BANK1: variants seen among roughly 807,000 people sequenced by gnomAD.
BANK1 encodes the protein B-cell scaffold protein with ankyrin repeats.
Under a neutral mutation model 94.5 loss-of-function variants are expected in BANK1, and 95 were observed. The observed-to-expected ratio is 1.00, with a 90% CI of 0.85 to 1.19. The LOEUF (loss-of-function observed/expected upper bound fraction) is 1.19, where lower values mean the gene tolerates loss of function less well. Ranked by LOEUF, BANK1 falls within the 50% of genes most tolerant of loss-of-function variation. The pLI is 0.00. For missense variants in BANK1, 987 were observed against 932.2 expected (o/e 1.06, Z -0.77); for synonymous variants, 334 against 308.4 (o/e 1.08, Z -0.87).
intron 6 of BANK1, among the ~76,000 whole-genome samples, chr4:101,897,937 C>T (rs1179496570): frequency 6.6e-6 from 1 of 151,050 alleles, no homozygotes; most frequent in African/African-American, 2.4e-5. Context: ...TGAACCATCA[C>T]TATAATTTAA....
At chr4:101,837,019 C>T (rs61616738) in intron 2 of BANK1, among the ~76,000 whole-genome samples, 4,608 of 152,166 alleles carry the variant, frequency 0.03, 235 homozygotes, top group African/African-American at 0.11. Flanking sequence ...TTTTTCCTCC[C>T]AATTTTTCTA....
At chr4:101,819,321 A>G (rs572686923) in intron 1 of BANK1, among the ~76,000 whole-genome samples, 1 of 152,298 alleles carries the variant, frequency 6.6e-6, no homozygotes, top group African/African-American at 2.4e-5. Context: ...GCTTAGCAGC[A>G]TAGAAAACCC....
intron 7 of BANK1, among the ~76,000 whole-genome samples, chr4:102,007,064 AATTT>A (rs1484258206): frequency 1.8e-5 from 2 of 111,566 alleles, no homozygotes; most frequent in Non-Finnish European, 3.8e-5. Flanking sequence ...TAAAATATAT[AATTT>A]TATATATATA....
intron 7 of BANK1, among the ~76,000 whole-genome samples, chr4:101,986,291 G>A (rs1344707184): frequency 1.3e-5 from 2 of 152,006 alleles, no homozygotes; most frequent in Non-Finnish European, 2.9e-5. Flanking sequence ...CAGTTTTAAT[G>A]CATGGAATAG....
At chr4:101,791,482 A>G (rs1035391773) in intron 1 of BANK1, among the ~76,000 whole-genome samples, 3 of 152,180 alleles carry the variant, frequency 2.0e-5, no homozygotes, top group African/African-American at 7.2e-5. Flanking sequence ...CACTGGCTTT[A>G]CTAACTTGGT....
intron 1 of BANK1, among the ~76,000 whole-genome samples, chr4:101,791,891 G>T (rs1724999362): frequency 1.3e-5 from 2 of 152,118 alleles, no homozygotes; most frequent in Non-Finnish European, 2.9e-5. Context: ...TGACAAGAAA[G>T]GACTTAGAGC....
At chr4:101,816,118 A>G (rs1018332263) in intron 1 of BANK1, among the ~76,000 whole-genome samples, 2 of 152,186 alleles carry the variant, frequency 1.3e-5, no homozygotes, top group East Asian at 3.8e-4. Context: ...TTGCAGCCTC[A>G]TCTGTAGCTC....
intron 1 of BANK1, among the ~76,000 whole-genome samples, chr4:101,818,690 A>C (rs764003183): frequency 1.8e-4 from 27 of 152,150 alleles, no homozygotes; most frequent in Non-Finnish European, 2.6e-4. Context: ...CAGTTGTTCT[A>C]TTTTATTAAT....
At chr4:101,802,195 C>T (rs1039399024) in intron 1 of BANK1, among the ~76,000 whole-genome samples, 1 of 152,218 alleles carries the variant, frequency 6.6e-6, no homozygotes, top group Non-Finnish European at 1.5e-5. Context: ...ACGCCCTTCC[C>T]AGTACTTCCC....
chr4:101,999,218 A>G (rs1326775928), intron 7 of BANK1, among the ~76,000 whole-genome samples: 1 of 152,196 alleles, frequency 6.6e-6, no homozygotes, highest in Non-Finnish European at 1.5e-5. Flanking sequence ...ATTAAAGCTC[A>G]TGCCCTCCAG....
At chr4:102,066,163 A>G (rs567731694) in intron 13 of BANK1, among the ~76,000 whole-genome samples, 1 of 152,320 alleles carries the variant, frequency 6.6e-6, no homozygotes, top group Non-Finnish European at 1.5e-5. Context: ...AATTCTTGAA[A>G]GCAGCCAGAG....
intron 4 of BANK1, among the ~76,000 whole-genome samples, chr4:101,865,198 C>T (rs1194320519): frequency 6.6e-6 from 1 of 152,046 alleles, no homozygotes; most frequent in East Asian, 1.9e-4. Flanking sequence ...TCCACTATTC[C>T]AAAAGCTGGA....
intron 7 of BANK1, among the ~76,000 whole-genome samples, chr4:101,996,837 G>A (rs1287022512): frequency 2.6e-5 from 4 of 152,096 alleles, no homozygotes; most frequent in African/African-American, 7.2e-5. Context: ...GGGCTGAGAC[G>A]ATGGGGTTTT....
At chr4:102,033,657 C>T (rs890043547) in intron 10 of BANK1, among the ~76,000 whole-genome samples, 3 of 152,096 alleles carry the variant, frequency 2.0e-5, no homozygotes, top group Non-Finnish European at 4.4e-5. Context: ...AAGACTGGCA[C>T]CCTTCAATAT....
intron 1 of BANK1, among the ~76,000 whole-genome samples, chr4:101,800,484 C>T (rs1441063786): frequency 6.6e-6 from 1 of 151,760 alleles, no homozygotes; most frequent in Non-Finnish European, 1.5e-5. Context: ...TGAATTATTC[C>T]TTAGCTTTAC....
intron 7 of BANK1, among the ~76,000 whole-genome samples, chr4:101,918,761 T>G (rs1241506115): frequency 6.6e-6 from 1 of 151,952 alleles, no homozygotes; most frequent in Admixed American, 6.6e-5. Context: ...AACAAATAAT[T>G]TTGTTGTCAA....
chr4:102,000,097 G>T (rs779116237), intron 7 of BANK1, among the ~76,000 whole-genome samples: 1 of 152,050 alleles, frequency 6.6e-6, no homozygotes, highest in Non-Finnish European at 1.5e-5. Context: ...AGCAAGACAG[G>T]CCGATCATCT....
At position 101,994,513 on chromosome 4, in the gene BANK1, A is replaced by T. The variant is rs982847022; in HGVS notation, c.1207-27001A>T. ...TAATTGATAGAATCTGTTTTTTTAA[A>T]AAATATAATTGCATCATGTCAATTT... On this transcript the variant is annotated intron_variant, in intron 7 of 16. Transcript: ENST00000322953. 9.0e-4 allele frequency among the ~76,000 whole-genome samples: 137 copies of T among 152,148 alleles called. 1 individual carries two copies. The highest frequency in any genetic ancestry group is 3.1e-3 in the African/African-American group (128 of 41,530).
intron 2 of BANK1, among the ~76,000 whole-genome samples, chr4:101,849,355 T>C (rs533906595): frequency 6.6e-6 from 1 of 152,316 alleles, no homozygotes; most frequent in East Asian, 1.9e-4. Flanking sequence ...ATAGGTCCAA[T>C]GGCTAGAATG....
Sources: gnomAD v4.1 joint callset for allele counts (sites outside exome capture counted in the v4.1 genomes callset) on GRCh38, gnomAD v4.1.1 for gene constraint, MANE v1.5 for transcripts, NCBI Gene and HGNC (gene_info 2026-07-23, HGNC 2026-07-21) for gene names.